Variants in SORCS2 observed in about 807,000 individuals in gnomAD.
SORCS2 encodes the protein VPS10 domain-containing receptor SorCS2.
A neutral mutation model predicts 141.6 loss-of-function variants in SORCS2; 100 were observed. That is an observed-to-expected ratio of 0.71 (90% CI 0.60 to 0.83). The LOEUF (loss-of-function observed/expected upper bound fraction) is 0.83. Ranked by LOEUF, SORCS2 falls within the 40% of genes least tolerant of loss-of-function variation. SORCS2 has a pLI of 0.00. For missense variants in SORCS2, 1,646 were observed against 1,560.2 expected, an observed-to-expected ratio of 1.05 and a Z score of -0.93; for synonymous variants, 789 against 676.9, an observed-to-expected ratio of 1.17 and a Z score of -2.57.
intron 1 of SORCS2, among the ~76,000 whole-genome samples, chr4:7,354,253 A>G (rs1161822338): frequency 6.6e-6 from 1 of 152,174 alleles, no homozygotes; most frequent in African/African-American, 2.4e-5. Context: ...AGGACAGGAC[A>G]CACTCACCTC....
intron 3 of SORCS2, among the ~76,000 whole-genome samples, chr4:7,587,481 GAGACTGTCATC>G (rs1716613269): frequency 1.3e-5 from 2 of 152,248 alleles, no homozygotes; most frequent in African/African-American, 4.8e-5. Context: ...ATTCTGCCAG[GAGACTGTCATC>G]AGGGTTGGAG....
intron 1 of SORCS2, among the ~76,000 whole-genome samples, chr4:7,312,667 C>G (rs531658344): frequency 1.4e-3 from 217 of 152,194 alleles, no homozygotes; most frequent in African/African-American, 5.0e-3. Context: ...AGAAAGGGCT[C>G]CTGTCCATTA....
chr4:7,239,042 G>A (rs1712496244), intron 1 of SORCS2, among the ~76,000 whole-genome samples: 1 of 152,258 alleles, frequency 6.6e-6, no homozygotes, highest in African/African-American at 2.4e-5. Flanking sequence ...GCTGGGCACA[G>A]CACTGGACTC....
intron 3 of SORCS2, among the ~76,000 whole-genome samples, chr4:7,608,939 G>A (rs895649032): frequency 6.6e-6 from 1 of 152,138 alleles, no homozygotes; most frequent in South Asian, 2.1e-4. Flanking sequence ...GGCACTAGCC[G>A]AGCACTAGTC....
At chr4:7,409,689 C>T (rs1407824565) in intron 2 of SORCS2, among the ~76,000 whole-genome samples, 1 of 152,136 alleles carries the variant, frequency 6.6e-6, no homozygotes, top group Non-Finnish European at 1.5e-5. Context: ...CAGTGCCAGG[C>T]AGGATGGGGA....
At chr4:7,249,382 G>A (rs575544083) in intron 1 of SORCS2, among the ~76,000 whole-genome samples, 1 of 152,288 alleles carries the variant, frequency 6.6e-6, no homozygotes, top group East Asian at 1.9e-4. Context: ...AAAAAAAAGT[G>A]GAAGCCACCT....
At chr4:7,320,351 A>T (rs1255504011) in intron 1 of SORCS2, among the ~76,000 whole-genome samples, 1 of 152,178 alleles carries the variant, frequency 6.6e-6, no homozygotes, top group Non-Finnish European at 1.5e-5. Context: ...CCATCCAGAG[A>T]TGTGGTTTTA....
At chr4:7,401,889 C>T (rs900729923) in intron 2 of SORCS2, among the ~76,000 whole-genome samples, 1 of 152,042 alleles carries the variant, frequency 6.6e-6, no homozygotes. Flanking sequence ...GATTCTTTTT[C>T]GTTATCTTCA....
chr4:7,225,792 T>TG (rs1728957417), intron 1 of SORCS2, among the ~76,000 whole-genome samples: 1 of 152,162 alleles, frequency 6.6e-6, no homozygotes, highest in Non-Finnish European at 1.5e-5. Context: ...GTGGACCAGT[T>TG]GGGGCTTCCT....
chr4:7,732,490 T>C lies in SORCS2; in HGVS notation c.3109-832T>C, dbSNP rs554499124. Reference sequence around the variant, plus strand: ...GGAGGATGCCCGTGGCCCACAAGGCTGGCTGCCTTTTGGCCCCTGCCCTCT... The same window carrying C: ...GGAGGATGCCCGTGGCCCACAAGGCCGGCTGCCTTTTGGCCCCTGCCCTCT... On this transcript the variant is annotated intron_variant, in intron 23 of 26. Transcript: ENST00000507866. Among the ~76,000 whole-genome samples, 11 of 152,316 alleles carry C rather than the reference T, an allele frequency of 7.2e-5. No homozygotes were observed. In the South Asian group the frequency reaches 2.3e-3, roughly 32 times the overall value.
chr4:7,338,215 TGGA>T (rs1720126255), intron 1 of SORCS2, among the ~76,000 whole-genome samples: 2 of 141,982 alleles, frequency 1.4e-5, no homozygotes, highest in East Asian at 4.2e-4. Context: ...GTTGGATGGA[TGGA>T]TGGATGGATG....
rs767231563 is a variant in SORCS2 at position 7,233,358 on chromosome 4, G to T, written c.480+40232G>T. Among the ~76,000 whole-genome samples the T allele has an allele frequency of 6.6e-6, 1 of 152,168 alleles. No individual in the cohort carries two copies. The highest frequency in any genetic ancestry group is 1.5e-5 in the Non-Finnish European group (1 of 68,026). ...ATCATGATGACGTCTCCTGGCCACC[G>T]CTGAGCACCTGCTCCAGGGCAGACG... On this transcript the variant is annotated intron_variant, in intron 1 of 26. Transcript: ENST00000507866. This position sits in a 1 kb window ranked among gnomAD's most constrained non-coding sequence, Gnocchi z 4.5.
rs189730621 is a variant in SORCS2, at chr4:7,412,701, T to A, written c.548+16346T>A. On this transcript the variant is annotated intron_variant, in intron 2 of 26. Coordinates refer to ENST00000507866, the MANE Select transcript of SORCS2 (RefSeq NM_020777.3). Reference sequence around the variant, plus strand: ...CTCCCCACCCCTGGGGCGGGGGCCCTCCCTGCAGGTCTTGCTCCTCCTGCT... The same window carrying A: ...CTCCCCACCCCTGGGGCGGGGGCCCACCCTGCAGGTCTTGCTCCTCCTGCT... 4.8e-3 allele frequency among the ~76,000 whole-genome samples: 732 copies of A among 151,948 alleles called. 4 individuals carry two copies. The highest frequency in any genetic ancestry group is 0.016 in the African/African-American group (674 of 41,472).
rs575804802 is a variant in SORCS2, at chr4:7,499,732, C to T, written c.549-31798C>T. ...GAAAGATCCTCTCGTCTGCCTTCCT[C>T]GCTCCTCAAACGCTGGCATCTGGAG... On this transcript the variant is annotated intron_variant, in intron 2 of 26. Transcript: ENST00000507866. 2.7e-5 allele frequency among the ~76,000 whole-genome samples: 4 copies of T among 146,982 alleles called. No homozygotes were observed. The East Asian group carries it at 6.3e-4, about 23-fold the overall frequency.
chr4:7,338,211 TGGATGGATGGATGGATGTCGGATGGAA>T (rs1720125969), intron 1 of SORCS2, among the ~76,000 whole-genome samples: 1 of 147,588 alleles, frequency 6.8e-6, no homozygotes, highest in South Asian at 2.2e-4. Context: ...GTTGGTTGGA[TGGATGGATGGATGGATGTCGGATGGAA>T]GGATGGATGG....
intron 3 of SORCS2, among the ~76,000 whole-genome samples, chr4:7,543,819 T>TCCAGC (rs1712973422): frequency 6.9e-5 from 1 of 14,580 alleles, no homozygotes. Context: ...CATCCATCCA[T>TCCAGC]CTACCCATCT....
rs536449263 is a variant in SORCS2 at position 7,336,986 on chromosome 4, T to C, written c.481-59302T>C. Among the ~76,000 whole-genome samples, 58 of 152,290 alleles carry C rather than the reference T, an allele frequency of 3.8e-4. No individual in the cohort carries two copies. The South Asian group carries it at 0.012, about 32-fold the overall frequency. Reference sequence around the variant, plus strand: ...TCTCCTTTCAGCGCGGTGGTGAGGATTGATTGAGCTGACTTACGTCAGAGT... The same window carrying C: ...TCTCCTTTCAGCGCGGTGGTGAGGACTGATTGAGCTGACTTACGTCAGAGT... On this transcript the variant is annotated intron_variant, in intron 1 of 26. Coordinates refer to ENST00000507866, the MANE Select transcript of SORCS2 (RefSeq NM_020777.3).
intron 1 of SORCS2, among the ~76,000 whole-genome samples, chr4:7,331,403 G>T (rs73077859): frequency 0.04 from 6,125 of 152,190 alleles, 416 homozygotes; most frequent in African/African-American, 0.14. Flanking sequence ...CTTGCTGCAG[G>T]TATGGACCCC....
chr4:7,392,036 G>A (rs916142687), intron 1 of SORCS2, among the ~76,000 whole-genome samples: 3 of 152,218 alleles, frequency 2.0e-5, no homozygotes, highest in Admixed American at 6.5e-5. Context: ...CAAAGCCCTC[G>A]TTCAGACATT....
Sources: allele counts gnomAD v4.1 joint callset (sites outside exome capture counted in the v4.1 genomes callset), GRCh38; gene constraint gnomAD v4.1.1; non-coding constraint Gnocchi (gnomAD v3.1); transcripts MANE v1.5; gene names NCBI Gene and HGNC (gene_info 2026-07-23, HGNC 2026-07-21).